The following ATG9A variants were observed in gnomAD, a reference collection of about 807,000 sequenced individuals.
ATG9A encodes the protein autophagy related 9A, also known as autophagy-related protein 9A.
ATG9A carries 21 observed loss-of-function variants against 87.1 expected under a neutral mutation model. That is an observed-to-expected ratio of 0.24 (90% CI 0.17 to 0.35). ATG9A has a LOEUF of 0.35. Among genes scored for constraint, ATG9A ranks in the 10% least tolerant of loss-of-function variants. The probability of loss-of-function intolerance (pLI) is 1.00; values close to 1 mark genes in which losing one functional copy is unlikely to be tolerated. For missense variants in ATG9A, 836 were observed against 1,107.3 expected (o/e 0.76, Z 3.48); for synonymous variants, 422 against 441.3 (o/e 0.96, Z 0.55).
intron 4 of ATG9A, 117 bp from the exon 5 acceptor site, chr2:219,227,050 C>G (rs892388349): frequency 2.4e-6 from 2 of 827,128 alleles, no homozygotes; most frequent in Admixed American, 3.9e-5. Flanking sequence ...GTGACTTTAC[C>G]AAGTTACTTA....
chr2:219,221,995 G>C, intron 13 of ATG9A, 55 bp downstream of exon 13: 2 of 1,504,070 alleles, frequency 1.3e-6, no homozygotes, highest in African/African-American at 1.4e-5. Context: ...TTGGAACCCC[G>C]GTCTTGCTTC....
Position 219,226,849 on chromosome 2 carries a change from C to T in ATG9A, c.212+20G>A, listed in dbSNP as rs1950871440. 1.2e-6 allele frequency: 2 copies of T among 1,601,304 alleles called. No individual in the cohort carries two copies. Among genetic ancestry groups the T allele is most frequent in the Non-Finnish European group, 8.6e-7 (1 of 1,168,268 alleles). On this transcript the variant is annotated intron_variant, in intron 5 of 15. Transcript: ENST00000361242. ...AAGATGTATTCTTTCACCACATCAT[C>T]TGTCCCTTCTTATACTTACATGAGC...
At position 219,223,161 on chromosome 2, in the gene ATG9A, C is replaced by T. The variant is rs1950797529; in HGVS notation, c.1600-268G>A. Among the ~76,000 whole-genome samples the T allele has an allele frequency of 6.7e-6, 1 of 150,148 alleles. No individual in the cohort carries two copies. Among genetic ancestry groups the T allele is most frequent in the South Asian group, 2.1e-4 (1 of 4,778 alleles). On this transcript the variant is annotated intron_variant, in intron 10 of 15. Coordinates refer to ENST00000361242, the MANE Select transcript of ATG9A (RefSeq NM_001077198.3). This position sits in a 1 kb window ranked among gnomAD's most constrained non-coding sequence, Gnocchi z 4.7. ...GGATTGCAGTGGCGTGATCTCGGCT[C>T]ACTGCAAGCTCCGCCTCCCAGGTTC...
At chr2:219,221,411 C>G in intron 13 of ATG9A, 109 bp from the exon 14 acceptor site, 1 of 1,062,094 alleles carries the variant, frequency 9.4e-7, no homozygotes, top group East Asian at 2.7e-5. Flanking sequence ...CCCTGAGAAT[C>G]CTTGCCTCAG....
chr2:219,221,158 A>C lies in ATG9A; in HGVS notation c.2290T>G (p.Cys764Gly), dbSNP rs1480808915. The C allele has an allele frequency of 1.9e-6, 3 of 1,608,196 alleles. No homozygotes were observed. Among genetic ancestry groups the C allele is most frequent in the Non-Finnish European group, 2.5e-6 (3 of 1,177,440 alleles). The change falls in exon 14 of 16, where the codon TGT (cysteine) becomes GGT (glycine). Residue 764 changes from cysteine (C) to glycine (G), a missense_variant. Cys to Gly is a radical substitution (Grantham distance 159, BLOSUM62 -3). Transcript: ENST00000361242. ...QSIPRSASYP[C>G]AAPRPGAPET... Reference sequence around the variant, plus strand: ...GGAGCTCCAGGCCGGGGTGCTGCACAGGGATAGCTAGCAGAGCGAGGGATA... The same window carrying C: ...GGAGCTCCAGGCCGGGGTGCTGCACCGGGATAGCTAGCAGAGCGAGGGATA...
Position 219,225,122 on chromosome 2 carries a change from G to A in ATG9A, c.465C>T (p.Cys155=). The A allele has an allele frequency of 6.2e-7, 1 of 1,614,166 alleles. No individual in the cohort carries two copies. The highest frequency in any genetic ancestry group is 1.1e-5 in the South Asian group (1 of 91,076). ...AGAAGGAGTGGATCTCCCAGTAGCA[G>A]CAAATGTTATAGATGAACTTGATAA... The part of the protein sequence containing the change: ...HRLIKFIYNI[C]CYWEIHSFYL... Residue 155 remains cysteine, a synonymous_variant, in exon 7 of 16, where the codon TGC becomes TGT. Transcript: ENST00000361242.
In ATG9A at chr2:219,221,317, G is replaced by A. The variant is rs762356471; in HGVS notation, c.2146-15C>T. 3.2e-6 allele frequency: 5 copies of A among 1,543,974 alleles called. No homozygotes were observed. The highest frequency in any genetic ancestry group is 4.4e-6 in the Non-Finnish European group (5 of 1,146,084). On this transcript the variant is annotated splice_polypyrimidine_tract_variant and intron_variant, in intron 13 of 15. Coordinates refer to ENST00000361242, the MANE Select transcript of ATG9A (RefSeq NM_001077198.3). ...TGCTTGTGGAGCTGGAGAAATGGGG[G>A]GCTCGTTAGTGGGGGACAGACGGAT...
At chr2:219,227,335 G>A (rs1184909817) in intron 4 of ATG9A, among the ~76,000 whole-genome samples, 2 of 152,196 alleles carry the variant, frequency 1.3e-5, no homozygotes, top group Non-Finnish European at 2.9e-5. Flanking sequence ...CTTGCCACAT[G>A]GTGAAACCCT....
In ATG9A at chr2:219,224,546, A is replaced by G. The variant is rs201551334; in HGVS notation, c.825T>C (p.Arg275=). 6.2e-7 allele frequency: 1 copy of G among 1,614,146 alleles called. No individual in the cohort carries two copies. Among genetic ancestry groups the G allele is most frequent in the Admixed American group, 1.7e-5 (1 of 60,020 alleles). The change falls in exon 8 of 16, where the codon CGT becomes CGC. Residue 275 remains arginine (R), a synonymous_variant. Coordinates refer to ENST00000361242, the MANE Select transcript of ATG9A (RefSeq NM_001077198.3). This position sits in a 1 kb window ranked among gnomAD's most constrained non-coding sequence, Gnocchi z 7.7. ...NEWSLKAEYK[R]GGQRLELAQR... ...GGGCCAGCTCTAGCCGTTGCCCCCC[A>G]CGTTTGTACTCGGCCTTGAGGCTCC...
rs566492636 is a variant in ATG9A at position 219,224,345 on chromosome 2, G to A, written c.1026C>T (p.His342=). ...GCAGCTCGTGCTCCAGCTCGTTGAA[G>A]TGGCGGAGGTAGCAGCGGCCATAGA... is the stretch of plus-strand genomic sequence containing the variant. The part of the protein sequence containing the change: ...WSLYGRCYLR[H]FNELEHELQS... The change falls in exon 8 of 16, where the codon CAC becomes CAT. Residue 342 remains histidine, a synonymous_variant. Transcript: ENST00000361242. This position sits in a 1 kb window ranked among gnomAD's most constrained non-coding sequence, Gnocchi z 7.7. The A allele has an allele frequency of 6.2e-7, 1 of 1,613,762 alleles. No homozygotes were observed. Among genetic ancestry groups the A allele is most frequent in the Admixed American group, 1.7e-5 (1 of 60,026 alleles).
chr2:219,222,257 C>A lies in ATG9A; in HGVS notation c.2027+15G>T. ...GGGCTGCCGTGCCCTCCCATCTTGG[C>A]CCCGATTTACTCACCCAGAGCCTGT... On this transcript the variant is annotated intron_variant, in intron 12 of 15. Transcript: ENST00000361242. This position sits in a 1 kb window ranked among gnomAD's most constrained non-coding sequence, Gnocchi z 4.3. 1 of 1,613,466 alleles carries A rather than the reference C, an allele frequency of 6.2e-7. No homozygotes were observed. Among genetic ancestry groups the A allele is most frequent in the Non-Finnish European group, 8.5e-7 (1 of 1,179,980 alleles).
rs1476538746 is a variant in ATG9A, at chr2:219,224,591, G to A, written c.780C>T (p.Gly260=). 6.2e-7 allele frequency: 1 copy of A among 1,614,168 alleles called. No individual in the cohort carries two copies. ...GGCTCCATTCATTGAGAAACAGAGA[G>A]CCAGGTCCCCAGAAGAGGATCAGCT... is the stretch of plus-strand genomic sequence containing the variant. ...NFELILFWGP[G]SLFLNEWSLK... The change falls in exon 8 of 16, where the codon GGC becomes GGT. Residue 260 remains glycine (G), a synonymous_variant. Coordinates refer to ENST00000361242, the MANE Select transcript of ATG9A (RefSeq NM_001077198.3). The surrounding 1 kb of genome is among the most constrained non-coding windows in gnomAD (Gnocchi z 7.7).
intron 13 of ATG9A, 60 bp from the exon 14 acceptor site, chr2:219,221,362 C>T (rs1453617259): frequency 6.9e-7 from 1 of 1,441,756 alleles, no homozygotes. Context: ...AAACAGCTGC[C>T]CTCCAACCTG....
chr2:219,229,516 A>T lies in ATG9A; in HGVS notation c.-82+19T>A, dbSNP rs1950961777. The T allele has an allele frequency of 6.6e-6, 1 of 152,406 alleles. No individual in the cohort carries two copies. The highest frequency in any genetic ancestry group is 1.5e-5 in the Non-Finnish European group (1 of 67,976). The allele number at this position is 152,406 out of a possible 1,614,324, so 9.4% of individuals were successfully genotyped here. The stretch of plus-strand genomic sequence containing the variant: ...CAGACACGGGGCCTGGGATTCCAAT[A>T]ACCGGTCTCACGTCTTACCTCAGGA... On this transcript the variant is annotated intron_variant, in intron 1 of 15. Coordinates refer to ENST00000361242, the MANE Select transcript of ATG9A (RefSeq NM_001077198.3). The surrounding 1 kb of genome is among the most constrained non-coding windows in gnomAD (Gnocchi z 4.2).
rs1950799387 is a variant in ATG9A at position 219,223,241 on chromosome 2, C to T, written c.1599+344G>A. Reference sequence around the variant, plus strand: ...TAGCTGGGACTACAGGCGCCCGCTACCACGCCTGGCTAATTTTTTTGTATT... The same window carrying T: ...TAGCTGGGACTACAGGCGCCCGCTATCACGCCTGGCTAATTTTTTTGTATT... On this transcript the variant is annotated intron_variant, in intron 10 of 15. Transcript: ENST00000361242. This position sits in a 1 kb window ranked among gnomAD's most constrained non-coding sequence, Gnocchi z 4.7. Among the ~76,000 whole-genome samples the T allele has an allele frequency of 6.6e-6, 1 of 152,136 alleles. No individual in the cohort carries two copies. Among genetic ancestry groups the T allele is most frequent in the Non-Finnish European group, 1.5e-5 (1 of 68,044 alleles).
At position 219,229,128 on chromosome 2, in the gene ATG9A, C is replaced by G. The variant is rs896534719; in HGVS notation, c.-82+407G>C. ...TCACCACTCACAGGGTCAGTGTGGA[C>G]CAGGGCCCGTGGAGCCCCGGCCGGC... On this transcript the variant is annotated intron_variant, in intron 1 of 15. Transcript: ENST00000361242. This position sits in a 1 kb window ranked among gnomAD's most constrained non-coding sequence, Gnocchi z 4.2. 1 of 152,212 alleles carries G rather than the reference C, an allele frequency of 6.6e-6. No individual in the cohort carries two copies. The highest frequency in any genetic ancestry group is 2.4e-5 in the African/African-American group (1 of 41,434). 9.4% of individuals were successfully genotyped at this position (152,212 alleles called of 1,614,324 possible).
chr2:219,224,772 T>C lies in ATG9A; in HGVS notation c.599A>G (p.Lys200Arg). The C allele has an allele frequency of 1.9e-6, 3 of 1,614,166 alleles. No individual in the cohort carries two copies. Residue 200 changes from lysine to arginine, a missense_variant, in exon 8 of 16, where the codon AAA becomes AGA. Lys to Arg is a conservative substitution (Grantham distance 26). Coordinates refer to ENST00000361242, the MANE Select transcript of ATG9A (RefSeq NM_001077198.3). This position sits in a 1 kb window ranked among gnomAD's most constrained non-coding sequence, Gnocchi z 7.7. ...TQKEHQICIH[K>R]RELTELDIYH... ...GATGTCCAGTTCTGTCAGCTCACGT[T>C]TGTGGATGCAGATCTGGTGCTCCTT...
Position 219,220,441 on chromosome 2 carries a change from C to A in ATG9A, c.*6G>T. On this transcript the variant is annotated 3_prime_UTR_variant, in exon 16 of 16. Coordinates refer to ENST00000361242, the MANE Select transcript of ATG9A (RefSeq NM_001077198.3). ...CCTGGGCCACAGGAACCCTGCTCAG[C>A]CTTGTCTATACCTGTGGGGAGAAAG... 1 of 1,613,752 alleles carries A rather than the reference C, an allele frequency of 6.2e-7. No individual in the cohort carries two copies. Among genetic ancestry groups the A allele is most frequent in the Non-Finnish European group, 8.5e-7 (1 of 1,179,732 alleles).
intron 13 of ATG9A, among the ~76,000 whole-genome samples, chr2:219,221,748 G>A (rs1950764359): frequency 6.6e-6 from 1 of 152,146 alleles, no homozygotes; most frequent in Non-Finnish European, 1.5e-5. Context: ...AGATTCAGGA[G>A]GGTGGGCAAG....
Sources: allele counts gnomAD v4.1 joint callset (sites outside exome capture counted in the v4.1 genomes callset), GRCh38; gene constraint gnomAD v4.1.1; non-coding constraint Gnocchi (gnomAD v3.1); transcripts MANE v1.5; gene names NCBI Gene and HGNC (gene_info 2026-07-23, HGNC 2026-07-21).